HSPA12B: variants seen among roughly 807,000 people sequenced by gnomAD.
HSPA12B encodes the protein heat shock protein family A (Hsp70) member 12B.
Under a neutral mutation model 69.3 loss-of-function variants are expected in HSPA12B, and 54 were observed. The observed-to-expected ratio is 0.78, with a 90% CI of 0.63 to 0.98. The LOEUF (loss-of-function observed/expected upper bound fraction) is 0.98, where lower values mean the gene tolerates loss of function less well. HSPA12B is among the 50% of genes least tolerant of loss of function. The probability of loss-of-function intolerance (pLI) is 0.00; values close to 1 mark genes in which losing one functional copy is unlikely to be tolerated. For synonymous variants in HSPA12B, 441 were observed against 436.5 expected, an observed-to-expected ratio of 1.01 and a Z score of -0.13; for missense variants, 929 against 999.8, an observed-to-expected ratio of 0.93 and a Z score of 0.96.
chr20:3,734,399 G>T (rs1471554710), intron 1 of HSPA12B, among the ~76,000 whole-genome samples: 4 of 152,200 alleles, frequency 2.6e-5, no homozygotes, highest in Admixed American at 2.6e-4. Flanking sequence ...CCATGGGCAG[G>T]GTTAGGGATC....
intron 12 of HSPA12B, 61 bp downstream of exon 12, chr20:3,750,968 T>C: frequency 7.1e-7 from 1 of 1,407,058 alleles, no homozygotes; most frequent in Non-Finnish European, 1.0e-6. Context: ...GCAGAATAAT[T>C]CCCCCCCATC....
chr20:3,750,978 C>T, intron 12 of HSPA12B, 71 bp downstream of exon 12: 2 of 1,285,228 alleles, frequency 1.6e-6, no homozygotes, highest in Non-Finnish European at 1.1e-6. Flanking sequence ...TCCCCCCCAT[C>T]AGTGCCTAGA....
Position 3,749,156 on chromosome 20 carries a change from C to T in HSPA12B, c.851-76C>T. On this transcript the variant is annotated intron_variant, in intron 8 of 12. Transcript: ENST00000254963. This position sits in a 1 kb window ranked among gnomAD's most constrained non-coding sequence, Gnocchi z 5.5. ...TCCCAGTGCCCATGGAGGTCCTGGG[C>T]AGGAGGATGGGAGTTGAACGCCATA... 7.6e-7 allele frequency: 1 copy of T among 1,310,444 alleles called. No individual in the cohort carries two copies. Among genetic ancestry groups the T allele is most frequent in the Non-Finnish European group, 1.1e-6 (1 of 932,656 alleles). The allele number at this position is 1,310,444 out of a possible 1,614,324, so 81.2% of individuals were successfully genotyped here. A position where few individuals can be genotyped will look rare whatever the true frequency, so the allele number is the denominator to read the frequency against.
chr20:3,750,730 G>A (rs2088403060), intron 11 of HSPA12B, 74 bp from the exon 12 acceptor site: 6 of 1,608,640 alleles, frequency 3.7e-6, no homozygotes, highest in South Asian at 1.1e-5. Context: ...TAGAGAATAA[G>A]GACCACGGAC....
chr20:3,750,936 G>T, intron 12 of HSPA12B, 29 bp downstream of exon 12: 1 of 1,574,578 alleles, frequency 6.4e-7, no homozygotes, highest in Non-Finnish European at 8.7e-7. Flanking sequence ...TCCCCCACCC[G>T]CCCCTACATG....
chr20:3,746,522 T>C (rs1483806953), intron 7 of HSPA12B, among the ~76,000 whole-genome samples: 2 of 151,980 alleles, frequency 1.3e-5, no homozygotes, highest in African/African-American at 4.8e-5. Flanking sequence ...CAGGATGGTT[T>C]CAATCTCCTG....
chr20:3,733,773 G>A (rs1310100779), intron 1 of HSPA12B, among the ~76,000 whole-genome samples: 1 of 152,218 alleles, frequency 6.6e-6, no homozygotes, highest in African/African-American at 2.4e-5. Context: ...TTAGCCCGCT[G>A]ACGGAGTCCT....
rs746701423 is a variant in HSPA12B, at chr20:3,745,580, A to G, written c.541A>G (p.Arg181Gly). 2 of 1,614,082 alleles carry G rather than the reference A, an allele frequency of 1.2e-6. No individual in the cohort carries two copies. The highest frequency in any genetic ancestry group is 1.3e-5 in the African/African-American group (1 of 75,038). ...GTTCGCCCATGCCCTGCGCTTCTTC[A>G]GGGAGCACGCCCTTCAGGTGCGCTG... is the stretch of plus-strand genomic sequence containing the variant. Reference protein sequence around the residue: ...EVFAHALRFFREHALQELREQ... With the variant: ...EVFAHALRFFGEHALQELREQ... Residue 181 changes from arginine to glycine, a missense_variant, in exon 6 of 13, where the codon AGG (arginine) becomes GGG (glycine). Arg to Gly is a moderately radical substitution (Grantham distance 125, BLOSUM62 -2). Around this residue, in one of 3 missense-constraint regions of HSPA12B, gnomAD observed 477 missense variants for 535.2 expected, o/e 0.89. Coordinates refer to ENST00000254963, the MANE Select transcript of HSPA12B (RefSeq NM_052970.5). The surrounding 1 kb of genome is among the most constrained non-coding windows in gnomAD (Gnocchi z 5.6).
intron 3 of HSPA12B, among the ~76,000 whole-genome samples, chr20:3,741,117 C>T (rs2088194124): frequency 1.3e-5 from 2 of 152,214 alleles, no homozygotes; most frequent in South Asian, 4.2e-4. Flanking sequence ...AACAATTCTA[C>T]TGAGAAGGCG....
intron 1 of HSPA12B, among the ~76,000 whole-genome samples, chr20:3,735,233 C>T (rs1308133569): frequency 6.6e-6 from 1 of 152,146 alleles, no homozygotes; most frequent in Non-Finnish European, 1.5e-5. Flanking sequence ...TAACATAAGC[C>T]CTCTGTGTCA....
In HSPA12B at chr20:3,750,171, T is replaced by C; in HGVS notation, c.1245T>C (p.Ile415=). Residue 415 remains isoleucine, a synonymous_variant, in exon 11 of 13, where the codon ATT becomes ATC. Transcript: ENST00000254963. ...ALNISLPFSF[I]DFYRKQRGHN... is the part of the protein sequence containing the mutation. ...ACATCTCGCTGCCCTTCTCCTTCATTGACTTCTACCGCAAGCAGCGGGGCC... is the reference window on the plus strand; with the variant it reads ...ACATCTCGCTGCCCTTCTCCTTCATCGACTTCTACCGCAAGCAGCGGGGCC... 6.2e-7 allele frequency: 1 copy of C among 1,610,974 alleles called. No individual in the cohort carries two copies. Among genetic ancestry groups the C allele is most frequent in the Non-Finnish European group, 8.5e-7 (1 of 1,178,758 alleles).
chr20:3,745,733 C>A lies in HSPA12B; in HGVS notation c.558+136C>A. 1 of 917,192 alleles carries A rather than the reference C, an allele frequency of 1.1e-6. No homozygotes were observed. The highest frequency in any genetic ancestry group is 1.4e-5 in the South Asian group (1 of 70,374). The allele number at this position is 917,192 out of a possible 1,614,324, so 56.8% of individuals were successfully genotyped here. A position where few individuals can be genotyped will look rare whatever the true frequency, so the allele number is the denominator to read the frequency against. ...AGCTCAGAGGTCATCTTCTCCAGTA[C>A]CCTCCTCCCTTTTTGTCTGGTAGAG... is the stretch of plus-strand genomic sequence containing the variant. On this transcript the variant is annotated intron_variant, in intron 6 of 12. Coordinates refer to ENST00000254963, the MANE Select transcript of HSPA12B (RefSeq NM_052970.5). This position sits in a 1 kb window ranked among gnomAD's most constrained non-coding sequence, Gnocchi z 5.6.
chr20:3,745,654 T>C lies in HSPA12B; in HGVS notation c.558+57T>C. On this transcript the variant is annotated intron_variant, in intron 6 of 12. Coordinates refer to ENST00000254963, the MANE Select transcript of HSPA12B (RefSeq NM_052970.5). This position sits in a 1 kb window ranked among gnomAD's most constrained non-coding sequence, Gnocchi z 5.6. ...GCAGGGACCCCCTATTTTCCCCTCA[T>C]CCGAAACCGCTCCCCCATCCCGTCC... 6.7e-7 allele frequency: 1 copy of C among 1,485,318 alleles called. No individual in the cohort carries two copies. The highest frequency in any genetic ancestry group is 9.4e-7 in the Non-Finnish European group (1 of 1,068,296). The allele number at this position is 1,485,318 out of a possible 1,614,324, so 92.0% of individuals were successfully genotyped here.
chr20:3,744,444 C>T lies in HSPA12B; in HGVS notation c.267-458C>T, dbSNP rs1274925507. Among the ~76,000 whole-genome samples the T allele has an allele frequency of 6.6e-6, 1 of 152,192 alleles. No homozygotes were observed. The highest frequency in any genetic ancestry group is 6.5e-5 in the Admixed American group (1 of 15,286). On this transcript the variant is annotated intron_variant, in intron 4 of 12. Transcript: ENST00000254963. The surrounding 1 kb of genome is among the most constrained non-coding windows in gnomAD (Gnocchi z 4.9). ...AGGAAATAACTGGGGGACATTCCAG[C>T]CTCCTCCCAAGCTCTCTCTTCCCAC...
rs377346666 is a variant in HSPA12B, at chr20:3,742,289, C to G, written c.147C>G (p.Pro49=). ...APLTPSQSPK[P]EVRAPQQASF... is the part of the protein sequence containing the mutation. The stretch of plus-strand genomic sequence containing the variant: ...TCTAAGTCTTGCACTTGCAGAAACC[C>G]GAGGTCCGAGCCCCCCAGCAGGCCT... Residue 49 remains proline, a synonymous_variant, in exon 4 of 13, where the codon CCC becomes CCG. Transcript: ENST00000254963. 1.2e-6 allele frequency: 2 copies of G among 1,613,598 alleles called. No homozygotes were observed. Among genetic ancestry groups the G allele is most frequent in the East Asian group, 2.2e-5 (1 of 44,874 alleles).
intron 1 of HSPA12B, 76 bp from the exon 2 acceptor site, chr20:3,738,578 CAAAT>C: frequency 1.4e-6 from 2 of 1,397,772 alleles, no homozygotes; most frequent in Non-Finnish European, 2.0e-6. Context: ...CAAAAGTAAA[CAAAT>C]AAAATAAATA....
intron 12 of HSPA12B, chr20:3,751,187 G>A: frequency 3.3e-6 from 3 of 914,670 alleles, no homozygotes; most frequent in Non-Finnish European, 3.9e-6. Context: ...GGGATAAAAT[G>A]AGCTGAAGTA....
At chr20:3,738,753 C>T in intron 2 of HSPA12B, 36 bp downstream of exon 2, 1 of 1,612,750 alleles carries the variant, frequency 6.2e-7, no homozygotes, top group Non-Finnish European at 8.5e-7. Flanking sequence ...GACCCATCAC[C>T]CACTCACCCG....
rs930889478 is a variant in HSPA12B, at chr20:3,749,746, G to A, written c.938-4G>A. 1.3e-6 allele frequency: 2 copies of A among 1,581,280 alleles called. No individual in the cohort carries two copies. The highest frequency in any genetic ancestry group is 8.6e-7 in the Non-Finnish European group (1 of 1,168,246). On this transcript the variant is annotated splice_region_variant and splice_polypyrimidine_tract_variant and intron_variant, in intron 9 of 12. Coordinates refer to ENST00000254963, the MANE Select transcript of HSPA12B (RefSeq NM_052970.5). The surrounding 1 kb of genome is among the most constrained non-coding windows in gnomAD (Gnocchi z 5.5). ...CGAGTGTGTGCCCGCGCTCGCCGCC[G>A]CAGGAGACCGCTACGTGGTGGCCGA...
Sources: allele counts gnomAD v4.1 joint callset (sites outside exome capture counted in the v4.1 genomes callset), GRCh38; gene constraint gnomAD v4.1.1; regional missense constraint gnomAD v4.1.1; non-coding constraint Gnocchi (gnomAD v3.1); transcripts MANE v1.5; gene names NCBI Gene and HGNC (gene_info 2026-07-23, HGNC 2026-07-21).